The following FDX1 variants were observed in gnomAD, a reference collection of about 807,000 sequenced individuals.
The protein encoded by FDX1 is ferredoxin 1, also known as adrenodoxin, mitochondrial.
A neutral mutation model predicts 14.9 loss-of-function variants in FDX1; 9 were observed. The ratio of observed to expected loss-of-function variants is 0.60; its 90% confidence interval spans 0.36 to 1.05. The LOEUF (loss-of-function observed/expected upper bound fraction) is 1.05. FDX1 is among the 50% of genes least tolerant of loss of function. The probability of loss-of-function intolerance (pLI) is 0.01; values close to 1 mark genes in which losing one functional copy is unlikely to be tolerated. For missense variants in FDX1, 204 were observed against 237.2 expected (o/e 0.86, Z 0.92); for synonymous variants, 92 against 99.4 (o/e 0.93, Z 0.44).
chr11:110,430,348 C>A (rs1187401458), intron 1 of FDX1, 43 bp downstream of exon 1: 2 of 1,156,590 alleles, frequency 1.7e-6, no homozygotes, highest in Non-Finnish European at 2.1e-6. Context: ...GGGCCGGGGT[C>A]CCCGGTGGGT....
chr11:110,444,672 ATATATATATATACACG>A (rs1297768824), intron 2 of FDX1, among the ~76,000 whole-genome samples: 24 of 78,106 alleles, frequency 3.1e-4, no homozygotes, highest in African/African-American at 9.2e-4. Context: ...ATACGTATAT[ATATATATATATACACG>A]TATATATATA....
chr11:110,451,197 GCTTGT>G (rs1442741862), intron 2 of FDX1, among the ~76,000 whole-genome samples: 1 of 151,062 alleles, frequency 6.6e-6, no homozygotes, highest in Non-Finnish European at 1.5e-5. Flanking sequence ...CAGGTCAGCT[GCTTGT>G]TATTTGGAAT....
chr11:110,431,521 T>G (rs144434723), intron 1 of FDX1, among the ~76,000 whole-genome samples: 132 of 152,306 alleles, frequency 8.7e-4, no homozygotes, highest in African/African-American at 3.0e-3. Context: ...TTGTGTGAAC[T>G]TTGGGGGAAA....
chr11:110,460,337 C>T (rs544036175), intron 3 of FDX1, among the ~76,000 whole-genome samples: 1 of 152,334 alleles, frequency 6.6e-6, no homozygotes, highest in South Asian at 2.1e-4. Context: ...ATATTCACAG[C>T]TGCCTGTGGC....
At chr11:110,436,026 T>A in intron 2 of FDX1, 68 bp downstream of exon 2, 3 of 1,428,862 alleles carry the variant, frequency 2.1e-6, no homozygotes, top group Non-Finnish European at 2.9e-6. Context: ...ATTTTGTGGT[T>A]TTTTTTTTTG....
intron 1 of FDX1, among the ~76,000 whole-genome samples, chr11:110,434,717 C>CTTTTTT (rs1210732783): frequency 2.0e-5 from 2 of 100,614 alleles, no homozygotes; most frequent in African/African-American, 4.3e-5. Flanking sequence ...TGTGTGATGA[C>CTTTTTT]TTTTTTTGTT....
intron 2 of FDX1, among the ~76,000 whole-genome samples, chr11:110,453,367 GC>G (rs1312352859): frequency 6.6e-6 from 1 of 151,686 alleles, no homozygotes; most frequent in African/African-American, 2.4e-5. Flanking sequence ...AAAACAAAAA[GC>G]CTCATAGAAC....
At chr11:110,444,747 CGTA>C (rs1213848149) in intron 2 of FDX1, among the ~76,000 whole-genome samples, 1 of 34,870 alleles carries the variant, frequency 2.9e-5, no homozygotes, top group Admixed American at 3.6e-4. Flanking sequence ...TATATATACA[CGTA>C]TATATATATA....
upstream of FDX1, chr11:110,429,787 A>C: frequency 4.9e-6 from 1 of 205,794 alleles, no homozygotes. Flanking sequence ...CTGCACGGCA[A>C]CTTCAGCCGC....
At chr11:110,446,873 C>T (rs939412504) in intron 2 of FDX1, among the ~76,000 whole-genome samples, 2 of 152,148 alleles carry the variant, frequency 1.3e-5, no homozygotes, top group African/African-American at 4.8e-5. Context: ...CATGTCAGTC[C>T]CCTGATTAAA....
chr11:110,447,177 GAA>G (rs369698874), intron 2 of FDX1, among the ~76,000 whole-genome samples: 18 of 31,240 alleles, frequency 5.8e-4, no homozygotes, highest in South Asian at 2.1e-3. Context: ...CTCCATCTTG[GAA>G]AAAAAAAAAA....
chr11:110,440,873 A>T (rs946190328), intron 2 of FDX1, among the ~76,000 whole-genome samples: 1 of 152,228 alleles, frequency 6.6e-6, no homozygotes, highest in Non-Finnish European at 1.5e-5. Flanking sequence ...CACTTGGTGA[A>T]GGGTAATGGA....
intron 2 of FDX1, among the ~76,000 whole-genome samples, chr11:110,443,152 T>C (rs1025186011): frequency 7.2e-5 from 11 of 152,164 alleles, no homozygotes; most frequent in African/African-American, 2.7e-4. Context: ...ATCAGCAGCA[T>C]GAAAATGGAC....
intron 2 of FDX1, among the ~76,000 whole-genome samples, chr11:110,451,667 CAAA>C (rs1243342454): frequency 1.3e-5 from 2 of 152,262 alleles, no homozygotes; most frequent in African/African-American, 4.8e-5. Context: ...TTCACAATAG[CAAA>C]GACATAGAAT....
chr11:110,434,011 G>A (rs1023532174), intron 1 of FDX1, among the ~76,000 whole-genome samples: 2 of 152,196 alleles, frequency 1.3e-5, no homozygotes, highest in African/African-American at 2.4e-5. Context: ...ATCTTTTCAA[G>A]TGTGAGGTAA....
chr11:110,454,176 C>T (rs1946507094), intron 2 of FDX1, among the ~76,000 whole-genome samples: 1 of 152,140 alleles, frequency 6.6e-6, no homozygotes, highest in African/African-American at 2.4e-5. Flanking sequence ...CAGCGCTGAG[C>T]TTAGCAACTT....
chr11:110,457,048 G>A lies in FDX1; in HGVS notation c.440+1G>A. The stretch of plus-strand genomic sequence containing the variant: ...ATCTGGCATATGGACTAACAGACAG[G>A]TAAGATTTTTGGACTGCTTCAATTG... On this transcript the variant is annotated splice_donor_variant, in intron 3 of 3. Coordinates refer to ENST00000260270, the MANE Select transcript of FDX1 (RefSeq NM_004109.5). LOFTEE classifies it high-confidence loss of function. 1 of 1,608,384 alleles carries A rather than the reference G, an allele frequency of 6.2e-7. No individual in the cohort carries two copies. Among genetic ancestry groups the A allele is most frequent in the Non-Finnish European group, 8.5e-7 (1 of 1,176,464 alleles).
At chr11:110,430,665 C>G (rs1043205968) in intron 1 of FDX1, among the ~76,000 whole-genome samples, 2 of 152,194 alleles carry the variant, frequency 1.3e-5, no homozygotes, top group African/African-American at 2.4e-5. Flanking sequence ...GACCTTTGCT[C>G]TGCCCGAAAC....
chr11:110,452,233 T>C (rs1375717492), intron 2 of FDX1, among the ~76,000 whole-genome samples: 1 of 151,702 alleles, frequency 6.6e-6, no homozygotes, highest in Non-Finnish European at 1.5e-5. Context: ...ATAAGAAAAA[T>C]AAATTAGAGT....
Sources: gnomAD v4.1 joint callset for allele counts (sites outside exome capture counted in the v4.1 genomes callset) on GRCh38, gnomAD v4.1.1 for gene constraint, MANE v1.5 for transcripts, NCBI Gene and HGNC (gene_info 2026-07-23, HGNC 2026-07-21) for gene names.